The following STAB2 variants were observed in gnomAD, a reference collection of about 807,000 sequenced individuals.
The protein encoded by STAB2 is stabilin-2.
STAB2 carries 288 observed loss-of-function variants against 338.1 expected under a neutral mutation model. The observed-to-expected ratio is 0.85, with a 90% CI of 0.77 to 0.94. The LOEUF is 0.94. STAB2 is among the 40% of genes least tolerant of loss of function. STAB2 has a pLI of 0.00. For missense variants in STAB2, 3,141 were observed against 3,210.1 expected, an observed-to-expected ratio of 0.98 and a Z score of 0.52; for synonymous variants, 1,202 against 1,193.3, an observed-to-expected ratio of 1.01 and a Z score of -0.15.
At chr12:103,645,440 G>A in intron 9 of STAB2, among the ~76,000 whole-genome samples, 1 of 152,188 alleles carries the variant, frequency 6.6e-6, no homozygotes, top group Non-Finnish European at 1.5e-5. Context: ...ACACAAAACA[G>A]ACCATTGGCC....
intron 51 of STAB2, among the ~76,000 whole-genome samples, chr12:103,733,487 GC>G (rs1881811371): frequency 1.3e-5 from 2 of 151,990 alleles, no homozygotes; most frequent in African/African-American, 4.8e-5. Flanking sequence ...AGTTCTCCTG[GC>G]AAAATGGCTG....
In STAB2 at chr12:103,593,700, A is replaced by T. The variant is rs1020520232; in HGVS notation, c.216-695A>T. ...ATCATGTTATTCTTAACAGCAGCCCAGTTGAAAGAAATGGAAAGAAACAAC... is the reference window on the plus strand; with the variant it reads ...ATCATGTTATTCTTAACAGCAGCCCTGTTGAAAGAAATGGAAAGAAACAAC... On this transcript the variant is annotated intron_variant, in intron 2 of 68. Transcript: ENST00000388887. Among the ~76,000 whole-genome samples the T allele has an allele frequency of 2.0e-5, 3 of 152,356 alleles. No individual in the cohort carries two copies. In the South Asian group the frequency reaches 6.2e-4, roughly 32 times the overall value.
chr12:103,660,660 C>A, intron 16 of STAB2, 23 bp from the exon 17 acceptor site: 2 of 1,613,696 alleles, frequency 1.2e-6, no homozygotes, highest in Non-Finnish European at 1.7e-6. Context: ...ATATCTCTGC[C>A]TTTTGTTCTC....
chr12:103,728,896 C>T lies in STAB2; in HGVS notation c.4983C>T (p.Tyr1661=), dbSNP rs1163431444. 3.1e-6 allele frequency: 5 copies of T among 1,613,832 alleles called. No homozygotes were observed. The South Asian group carries it at 4.4e-5, about 14-fold the overall frequency. The change falls in exon 48 of 69, where the codon TAC becomes TAT. Residue 1661 remains tyrosine, a synonymous_variant. Transcript: ENST00000388887. ...KYGLMPQVLR[Y]HVVACHQLLL... is the part of the protein sequence containing the mutation. ...GTTTAATGCCCCAGGTTCTTCGGTA[C>T]CATGTGGTCGCCTGCCACCAGCTGC...
Position 103,618,251 on chromosome 12 carries a change from ATTAG to A in STAB2, c.332-2215_332-2212del, listed in dbSNP as rs575897352. On this transcript the variant is annotated intron_variant, in intron 3 of 68. Coordinates refer to ENST00000388887, the MANE Select transcript of STAB2 (RefSeq NM_017564.10). ...TAAGAACAGGGCCCTTATGGATGGG[ATTAG>A]TGCCCTCATAAAAGAGACCCCAGAG... Among the ~76,000 whole-genome samples the A allele has an allele frequency of 1.6e-4, 25 of 152,274 alleles. No individual in the cohort carries two copies. In the South Asian group the frequency reaches 5.0e-3, roughly 30 times the overall value.
chr12:103,622,000 G>A (rs769218356), intron 4 of STAB2, 42 bp from the exon 5 acceptor site: 7 of 1,603,942 alleles, frequency 4.4e-6, no homozygotes, highest in Non-Finnish European at 6.0e-6. Flanking sequence ...GGTACCATGG[G>A]TCACCTTGGG....
At chr12:103,600,661 G>A (rs879083085) in intron 3 of STAB2, among the ~76,000 whole-genome samples, 6 of 152,160 alleles carry the variant, frequency 3.9e-5, no homozygotes, top group East Asian at 1.9e-4. Flanking sequence ...TTGGCCTTTC[G>A]TCCATTGGGT....
chr12:103,727,211 C>T (rs1566051848), intron 46 of STAB2, 56 bp from the exon 47 acceptor site: 4 of 1,592,534 alleles, frequency 2.5e-6, no homozygotes, highest in Non-Finnish European at 3.4e-6. Flanking sequence ...AGTTTGAGCC[C>T]CGGCATGTAT....
chr12:103,736,378 A>C (rs950422566), intron 52 of STAB2, among the ~76,000 whole-genome samples: 3 of 152,234 alleles, frequency 2.0e-5, no homozygotes, highest in African/African-American at 7.2e-5. Context: ...AACAAGTTCC[A>C]TACAACATTC....
At chr12:103,623,745 T>C (rs1256783077) in intron 5 of STAB2, among the ~76,000 whole-genome samples, 1 of 152,164 alleles carries the variant, frequency 6.6e-6, no homozygotes, top group Non-Finnish European at 1.5e-5. Flanking sequence ...TGTGTGGCAA[T>C]GAGTTACAGC....
chr12:103,632,604 G>A (rs554998414), intron 6 of STAB2, among the ~76,000 whole-genome samples: 1 of 152,262 alleles, frequency 6.6e-6, no homozygotes, highest in African/African-American at 2.4e-5. Flanking sequence ...GAAGGTAGTC[G>A]CTAGGTCCAG....
intron 44 of STAB2, among the ~76,000 whole-genome samples, chr12:103,720,437 A>G (rs1880672645): frequency 6.6e-6 from 1 of 152,036 alleles, no homozygotes; most frequent in Non-Finnish European, 1.5e-5. Flanking sequence ...GGAAATATCT[A>G]CTCCAACTGA....
chr12:103,704,724 T>A, intron 36 of STAB2, 110 bp downstream of exon 36: 10 of 940,668 alleles, frequency 1.1e-5, no homozygotes, highest in Non-Finnish European at 1.6e-5. Flanking sequence ...CTTCACTTAA[T>A]TTGAATTACA....
At chr12:103,675,717 A>G (rs1232133357) in intron 23 of STAB2, among the ~76,000 whole-genome samples, 1 of 152,248 alleles carries the variant, frequency 6.6e-6, no homozygotes, top group Non-Finnish European at 1.5e-5. Flanking sequence ...GTGTCACACA[A>G]CTGCTAAGAA....
rs374638828 is a variant in STAB2, at chr12:103,650,443, G to A, written c.1175-53G>A. 2.0e-6 allele frequency: 3 copies of A among 1,533,764 alleles called. No homozygotes were observed. The African/African-American group carries it at 4.1e-5, about 21-fold the overall frequency. On this transcript the variant is annotated intron_variant, in intron 10 of 68. Coordinates refer to ENST00000388887, the MANE Select transcript of STAB2 (RefSeq NM_017564.10). ...CCTGTTGCCTGATTTTACTCCTCCT[G>A]TACCACTGACTCATTTGGCGTTTTC...
At chr12:103,712,757 C>T (rs116348818) in intron 41 of STAB2, among the ~76,000 whole-genome samples, 1,556 of 152,284 alleles carry the variant, frequency 0.01, 27 homozygotes, top group African/African-American at 0.036. Flanking sequence ...ACTATATACC[C>T]TAGAAATATG....
rs112552760 is a variant in STAB2 at position 103,654,662 on chromosome 12, G to A, written c.1515G>A (p.Met505Ile). Residue 505 changes from methionine to isoleucine, a missense_variant, in exon 13 of 69, where the codon ATG becomes ATA. By Grantham distance (10) the Met-to-Ile change is conservative. Coordinates refer to ENST00000388887, the MANE Select transcript of STAB2 (RefSeq NM_017564.10). The part of the protein sequence containing the change: ...NGLLHILDRA[M>I]DKLEPTFESN... ...TTCTGCACATCCTTGACAGAGCCAT[G>A]GACAAGTTAGAACCCACATTTGAGA... 2 of 1,614,142 alleles carry A rather than the reference G, an allele frequency of 1.2e-6. No individual in the cohort carries two copies. Among genetic ancestry groups the A allele is most frequent in the African/African-American group, 2.7e-5 (2 of 75,060 alleles).
At position 103,716,631 on chromosome 12, in the gene STAB2, G is replaced by GA. The variant is rs565498277; in HGVS notation, c.4611+751dup. Among the ~76,000 whole-genome samples the GA allele has an allele frequency of 1.0e-3, 155 of 152,074 alleles. 1 individual carries two copies. The highest frequency in any genetic ancestry group is 7.7e-3 in the South Asian group (37 of 4,804). On this transcript the variant is annotated intron_variant, in intron 43 of 68. Transcript: ENST00000388887. ...AGTACCTAAAGTACGCAAAAATAAG[G>GA]AAAAAAAATTGTCTTGAAAGAACTG... is the stretch of plus-strand genomic sequence containing the variant.
chr12:103,746,476 G>C, intron 57 of STAB2, 121 bp from the exon 58 acceptor site: 1 of 815,418 alleles, frequency 1.2e-6, no homozygotes, highest in South Asian at 1.6e-5. Context: ...CCATCTTCCT[G>C]CTGTACAGGG....
Sources: gnomAD v4.1 joint callset for allele counts (sites outside exome capture counted in the v4.1 genomes callset) on GRCh38, gnomAD v4.1.1 for gene constraint, MANE v1.5 for transcripts, NCBI Gene and HGNC (gene_info 2026-07-23, HGNC 2026-07-21) for gene names.